The following TFAP2D variants were observed in gnomAD, a reference collection of about 807,000 sequenced individuals.
TFAP2D encodes transcription factor AP-2 delta.
TFAP2D carries 9 observed loss-of-function variants against 43.6 expected under a neutral mutation model. The observed-to-expected ratio is 0.21, with a 90% CI of 0.12 to 0.36. TFAP2D has a LOEUF of 0.36. TFAP2D is among the 10% of genes least tolerant of loss of function. The pLI is 1.00. For synonymous variants in TFAP2D, 256 were observed against 224.9 expected (o/e 1.14, Z -1.24); for missense variants, 513 against 561.4 (o/e 0.91, Z 0.87).
chr6:50,733,613 A>T (rs1768923258), intron 5 of TFAP2D, among the ~76,000 whole-genome samples: 1 of 152,126 alleles, frequency 6.6e-6, no homozygotes, highest in Non-Finnish European at 1.5e-5. Flanking sequence ...TATGTTTATT[A>T]TTCTTGAATT....
At position 50,771,682 on chromosome 6, in the gene TFAP2D, A is replaced by C. The variant is rs142867614; in HGVS notation, c.1140-963A>C. On this transcript the variant is annotated intron_variant, in intron 7 of 7. Transcript: ENST00000008391. The stretch of plus-strand genomic sequence containing the variant: ...TGGTAATAATTAGTGCGTATCAATC[A>C]AAACCACAATGAGATACCATCTCAC... Among the ~76,000 whole-genome samples the C allele has an allele frequency of 3.9e-5, 6 of 152,356 alleles. No homozygotes were observed. The East Asian group carries it at 1.2e-3, about 30-fold the overall frequency.
At chr6:50,758,993 T>C (rs1769327851) in intron 7 of TFAP2D, among the ~76,000 whole-genome samples, 2 of 152,004 alleles carry the variant, frequency 1.3e-5, no homozygotes, top group East Asian at 3.9e-4. Flanking sequence ...AAAGCATCCA[T>C]GGCAGGGCTT....
At chr6:50,763,411 C>T (rs1769394442) in intron 7 of TFAP2D, among the ~76,000 whole-genome samples, 2 of 152,082 alleles carry the variant, frequency 1.3e-5, no homozygotes, top group South Asian at 4.1e-4. Context: ...TCTAGCTTAC[C>T]TTCCTCCTCC....
intron 7 of TFAP2D, among the ~76,000 whole-genome samples, chr6:50,767,953 G>T (rs1386916696): frequency 1.3e-5 from 2 of 152,204 alleles, no homozygotes; most frequent in Non-Finnish European, 2.9e-5. Context: ...ATTGAGGATA[G>T]AGTTTTAGAA....
chr6:50,761,803 G>C (rs1160280793), intron 7 of TFAP2D, among the ~76,000 whole-genome samples: 1 of 152,006 alleles, frequency 6.6e-6, no homozygotes, highest in Non-Finnish European at 1.5e-5. Context: ...ATTAGAGAAA[G>C]TAAAATAGCT....
At chr6:50,768,519 C>G (rs904842384) in intron 7 of TFAP2D, among the ~76,000 whole-genome samples, 2 of 151,964 alleles carry the variant, frequency 1.3e-5, no homozygotes, top group Non-Finnish European at 2.9e-5. Flanking sequence ...CTGTATGTCA[C>G]TGTGAATGAG....
intron 1 of TFAP2D, among the ~76,000 whole-genome samples, chr6:50,714,563 T>C (rs1416969269): frequency 6.6e-6 from 1 of 152,108 alleles, no homozygotes; most frequent in Admixed American, 6.5e-5. Context: ...AGGGAGCAAG[T>C]TGAACGATTT....
rs959555053 is a variant in TFAP2D, at chr6:50,759,605, T to C, written c.1139+8281T>C. ...TATTCCAAACAGAAAATACATCTGATAGGGAGAAATGTAACAAGATGGTTA... is the reference window on the plus strand; with the variant it reads ...TATTCCAAACAGAAAATACATCTGACAGGGAGAAATGTAACAAGATGGTTA... On this transcript the variant is annotated intron_variant, in intron 7 of 7. Coordinates refer to ENST00000008391, the MANE Select transcript of TFAP2D (RefSeq NM_172238.4). 2.6e-5 allele frequency among the ~76,000 whole-genome samples: 4 copies of C among 152,168 alleles called. No individual in the cohort carries two copies. The South Asian group carries it at 8.3e-4, about 31-fold the overall frequency.
At chr6:50,757,535 A>G (rs1581776071) in intron 7 of TFAP2D, among the ~76,000 whole-genome samples, 1 of 49,376 alleles carries the variant, frequency 2.0e-5, no homozygotes, top group Non-Finnish European at 3.8e-5. Context: ...TAATTATTCT[A>G]TATATATAGA....
chr6:50,732,344 T>C (rs1435537050), intron 5 of TFAP2D, among the ~76,000 whole-genome samples: 3 of 152,080 alleles, frequency 2.0e-5, no homozygotes, highest in Admixed American at 6.6e-5. Flanking sequence ...TTCTCAACTA[T>C]CTCTAGAAAC....
chr6:50,714,259 G>A (rs1027722038), intron 1 of TFAP2D, among the ~76,000 whole-genome samples, 165 bp downstream of exon 1: 1 of 151,950 alleles, frequency 6.6e-6, no homozygotes, highest in Admixed American at 6.6e-5. Context: ...AGGAAGGAAA[G>A]GGGAGAAAGT....
Position 50,729,412 on chromosome 6 carries a change from A to G in TFAP2D, c.883+100A>G. The G allele has an allele frequency of 3.2e-6, 3 of 949,800 alleles. No homozygotes were observed. The South Asian group carries it at 4.8e-5, about 15-fold the overall frequency. 58.8% of individuals were successfully genotyped at this position (949,800 alleles called of 1,614,324 possible). On this transcript the variant is annotated intron_variant, in intron 5 of 7. Coordinates refer to ENST00000008391, the MANE Select transcript of TFAP2D (RefSeq NM_172238.4). ...CTGTTTTATTTTTGTCTGTACCATT[A>G]AGCAAGTCAGTTAACAGTTAAGGTA...
At chr6:50,741,827 T>C (rs1015388) in intron 5 of TFAP2D, among the ~76,000 whole-genome samples, 49 of 151,286 alleles carry the variant, frequency 3.2e-4, no homozygotes, top group African/African-American at 1.2e-3. Flanking sequence ...AGTGAGGTGA[T>C]GGCAGCCATA....
At chr6:50,755,429 T>TA (rs35437406) in intron 7 of TFAP2D, among the ~76,000 whole-genome samples, 65,101 of 141,332 alleles carry the variant, frequency 0.46, 14,781 homozygotes, top group African/African-American at 0.55. Flanking sequence ...CTTGAAACTG[T>TA]AAAAAAAAAA....
intron 7 of TFAP2D, among the ~76,000 whole-genome samples, chr6:50,753,275 G>T (rs1404777546): frequency 6.6e-6 from 1 of 151,924 alleles, no homozygotes; most frequent in Non-Finnish European, 1.5e-5. Flanking sequence ...AATTACAGAT[G>T]CTGAGGCCTT....
chr6:50,716,543 T>C (rs1768631012), intron 2 of TFAP2D, among the ~76,000 whole-genome samples: 1 of 152,242 alleles, frequency 6.6e-6, no homozygotes, highest in Non-Finnish European at 1.5e-5. Flanking sequence ...CTCAATCAGA[T>C]GATCTCTCTT....
intron 5 of TFAP2D, among the ~76,000 whole-genome samples, chr6:50,744,715 T>G (rs1249856448): frequency 6.6e-6 from 1 of 152,132 alleles, no homozygotes; most frequent in East Asian, 1.9e-4. Context: ...TTAGACACAC[T>G]AAGAATAGGT....
intron 7 of TFAP2D, among the ~76,000 whole-genome samples, chr6:50,766,812 G>A (rs1453040893): frequency 6.6e-6 from 1 of 151,232 alleles, no homozygotes; most frequent in Non-Finnish European, 1.5e-5. Flanking sequence ...GGGACTACAG[G>A]TGCCCGCCAC....
At chr6:50,757,864 G>T (rs949919950) in intron 7 of TFAP2D, among the ~76,000 whole-genome samples, 1 of 137,730 alleles carries the variant, frequency 7.3e-6, no homozygotes, top group Non-Finnish European at 1.5e-5. Flanking sequence ...TAATATACAA[G>T]AGTGATGCTA....
Sources: gnomAD v4.1 joint callset for allele counts (sites outside exome capture counted in the v4.1 genomes callset) on GRCh38, gnomAD v4.1.1 for gene constraint, MANE v1.5 for transcripts, NCBI Gene and HGNC (gene_info 2026-07-23, HGNC 2026-07-21) for gene names.